CPQ: variants seen among roughly 807,000 people sequenced by gnomAD.
CPQ encodes the protein Ser-Met dipeptidase.
In CPQ, 37 loss-of-function variants were observed where a neutral mutation model predicts 45.7. The ratio of observed to expected loss-of-function variants is 0.81; its 90% CI spans 0.62 to 1.07. The LOEUF (loss-of-function observed/expected upper bound fraction) is 1.07. Ranked by LOEUF, CPQ falls within the 50% of genes least tolerant of loss-of-function variation. The pLI is 0.00. For missense variants in CPQ, 537 were observed against 572.9 expected (o/e 0.94, Z 0.64); for synonymous variants, 186 against 205.8 (o/e 0.90, Z 0.82).
At chr8:96,721,120 T>C (rs1809757933) in intron 1 of CPQ, among the ~76,000 whole-genome samples, 1 of 152,126 alleles carries the variant, frequency 6.6e-6, no homozygotes, top group South Asian at 2.1e-4. Flanking sequence ...GCAATGTACT[T>C]GCAGGGGGCT....
chr8:97,012,875 T>C (rs1809514504), intron 5 of CPQ, among the ~76,000 whole-genome samples: 1 of 152,174 alleles, frequency 6.6e-6, no homozygotes, highest in Non-Finnish European at 1.5e-5. Context: ...AATTTTCTTT[T>C]ATCTCAAGGA....
chr8:96,841,061 A>C (rs1227489567), intron 3 of CPQ, among the ~76,000 whole-genome samples: 1 of 152,050 alleles, frequency 6.6e-6, no homozygotes, highest in African/African-American at 2.4e-5. Flanking sequence ...TATGTTGCCT[A>C]TTCGAGTCCT....
At chr8:97,098,307 G>T (rs1333880497) in intron 7 of CPQ, among the ~76,000 whole-genome samples, 1 of 152,142 alleles carries the variant, frequency 6.6e-6, no homozygotes, top group Non-Finnish European at 1.5e-5. Flanking sequence ...GACAGTCTCT[G>T]CCCTCAAGAT....
chr8:97,131,256 T>TA (rs1323806617), intron 7 of CPQ, among the ~76,000 whole-genome samples: 1 of 152,204 alleles, frequency 6.6e-6, no homozygotes, highest in Non-Finnish European at 1.5e-5. Flanking sequence ...TAGACACACT[T>TA]ATTTTGGATA....
chr8:97,038,997 G>A (rs1810058637), intron 6 of CPQ, among the ~76,000 whole-genome samples: 1 of 152,134 alleles, frequency 6.6e-6, no homozygotes, highest in Non-Finnish European at 1.5e-5. Flanking sequence ...GAATTCTAAC[G>A]TTTAGAGATT....
intron 1 of CPQ, among the ~76,000 whole-genome samples, chr8:96,742,875 G>A (rs1810115201): frequency 6.6e-6 from 1 of 152,092 alleles, no homozygotes; most frequent in African/African-American, 2.4e-5. Context: ...CCCTTTGAGG[G>A]TAACCCGACC....
intron 4 of CPQ, among the ~76,000 whole-genome samples, chr8:96,891,441 C>G (rs1267724596): frequency 6.6e-6 from 1 of 152,160 alleles, no homozygotes. Flanking sequence ...GTAGCCGGGT[C>G]AGCTTGGTGA....
intron 1 of CPQ, among the ~76,000 whole-genome samples, chr8:96,752,419 G>T (rs1486937745): frequency 6.6e-6 from 1 of 151,976 alleles, no homozygotes; most frequent in African/African-American, 2.4e-5. Flanking sequence ...TTCATGATTT[G>T]GCTCTGCTTG....
At chr8:97,135,473 T>C (rs1812038188) in intron 7 of CPQ, among the ~76,000 whole-genome samples, 1 of 152,174 alleles carries the variant, frequency 6.6e-6, no homozygotes, top group Admixed American at 6.5e-5. Context: ...ATCCCATGAA[T>C]TGATTTTCTA....
At chr8:96,876,844 T>A (rs1812150938) in intron 3 of CPQ, among the ~76,000 whole-genome samples, 1 of 152,196 alleles carries the variant, frequency 6.6e-6, no homozygotes, top group African/African-American at 2.4e-5. Flanking sequence ...TTGTTAAGGA[T>A]GTTTTGCATT....
chr8:96,749,138 G>T (rs1304781076), intron 1 of CPQ, among the ~76,000 whole-genome samples: 2 of 151,982 alleles, frequency 1.3e-5, no homozygotes, highest in East Asian at 1.9e-4. Context: ...CAAAGTTTAT[G>T]TTCCATAATT....
chr8:96,787,244 T>C (rs570339031), intron 2 of CPQ, among the ~76,000 whole-genome samples: 1 of 152,224 alleles, frequency 6.6e-6, no homozygotes, highest in African/African-American at 2.4e-5. Flanking sequence ...TTTTTGTATA[T>C]GGTATAAGAT....
intron 6 of CPQ, among the ~76,000 whole-genome samples, chr8:97,059,701 G>A (rs1810515010): frequency 6.6e-6 from 1 of 152,134 alleles, no homozygotes; most frequent in Admixed American, 6.6e-5. Flanking sequence ...CAGGGTCACT[G>A]GCAGAACTGC....
At chr8:97,089,243 CA>C (rs61075671) in intron 7 of CPQ, among the ~76,000 whole-genome samples, 42 of 122,372 alleles carry the variant, frequency 3.4e-4, no homozygotes, top group East Asian at 9.3e-4. Context: ...AGCTCAGTCT[CA>C]AAAAAAAAAA....
At chr8:96,651,033 A>G (rs914674774) in intron 1 of CPQ, among the ~76,000 whole-genome samples, 10 of 152,222 alleles carry the variant, frequency 6.6e-5, no homozygotes, top group African/African-American at 2.4e-4. Context: ...TATTTATCAT[A>G]TATGAAGATT....
At chr8:96,768,452 G>A (rs986875418) in intron 1 of CPQ, among the ~76,000 whole-genome samples, 1 of 151,418 alleles carries the variant, frequency 6.6e-6, no homozygotes, top group African/African-American at 2.5e-5. Context: ...AGCACACACT[G>A]TTGCAAATAA....
At chr8:96,887,175 A>T (rs1812316374) in intron 4 of CPQ, among the ~76,000 whole-genome samples, 1 of 152,212 alleles carries the variant, frequency 6.6e-6, no homozygotes, top group South Asian at 2.1e-4. Context: ...CAACAGAAAA[A>T]GCCAAAATAG....
At chr8:97,034,024 G>A (rs1181159924) in intron 6 of CPQ, among the ~76,000 whole-genome samples, 1 of 151,994 alleles carries the variant, frequency 6.6e-6, no homozygotes, top group East Asian at 1.9e-4. Context: ...GCTTTCTTAT[G>A]ACATATCAGC....
intron 6 of CPQ, among the ~76,000 whole-genome samples, chr8:97,064,073 A>T (rs1469499498): frequency 6.6e-6 from 1 of 152,160 alleles, no homozygotes; most frequent in Non-Finnish European, 1.5e-5. Flanking sequence ...CATTTTAATG[A>T]TATTGATTCT....
Sources: allele counts gnomAD v4.1 joint callset (sites outside exome capture counted in the v4.1 genomes callset), GRCh38; gene constraint gnomAD v4.1.1; transcripts MANE v1.5; gene names NCBI Gene and HGNC (gene_info 2026-07-23, HGNC 2026-07-21).